ERC2: variants seen among roughly 807,000 people sequenced by gnomAD.
The protein encoded by ERC2 is ELKS/RAB6-interacting/CAST family member 2.
Under a neutral mutation model 114.8 loss-of-function variants are expected in ERC2, and 42 were observed. The ratio of observed to expected loss-of-function variants is 0.37; its 90% confidence interval spans 0.29 to 0.47. The LOEUF (loss-of-function observed/expected upper bound fraction) is 0.47, where lower values mean the gene tolerates loss of function less well. ERC2 is among the 20% of genes least tolerant of loss of function. ERC2 has a pLI of 0.99. For synonymous variants in ERC2, 454 were observed against 425.5 expected, an observed-to-expected ratio of 1.07 and a Z score of -0.82; for missense variants, 939 against 1,150.7, an observed-to-expected ratio of 0.82 and a Z score of 2.66.
At chr3:55,767,485 C>A (rs2067887917) in intron 14 of ERC2, among the ~76,000 whole-genome samples, 1 of 152,180 alleles carries the variant, frequency 6.6e-6, no homozygotes, top group South Asian at 2.1e-4. Context: ...TGGACAGACG[C>A]CCAGCTCCAC....
intron 6 of ERC2, among the ~76,000 whole-genome samples, chr3:56,112,165 A>T (rs2078995431): frequency 6.6e-6 from 1 of 152,232 alleles, no homozygotes; most frequent in Non-Finnish European, 1.5e-5. Flanking sequence ...AATTTAAGTC[A>T]ATCAACTCCA....
intron 6 of ERC2, among the ~76,000 whole-genome samples, chr3:56,126,768 A>G (rs139025435): frequency 2.2e-4 from 31 of 142,014 alleles, no homozygotes; most frequent in Non-Finnish European, 4.3e-4. Context: ...AAAAAGAAGG[A>G]AGGAAGGAAA....
chr3:55,583,515 CCCTCCCTCCCTT>C lies in ERC2; in HGVS notation c.*40-72251_*40-72240del, dbSNP rs1183367545. 5.3e-4 allele frequency among the ~76,000 whole-genome samples: 22 copies of C among 41,664 alleles called. 2 individuals carry two copies. The highest frequency in any genetic ancestry group is 8.2e-4 in the Non-Finnish European group (18 of 22,014). 27.3% of individuals were successfully genotyped at this position (41,664 alleles called of 152,430 possible). Reference sequence around the variant, plus strand: ...TCTCTCCTTCCCTCCCTCCCTCCCTCCCTCCCTCCCTTCCTTCCTTCCTTCCTTTCTTCCTTC... The same window carrying C: ...TCTCTCCTTCCCTCCCTCCCTCCCTCCCTTCCTTCCTTCCTTTCTTCCTTC... On this transcript the variant is annotated intron_variant, in intron 17 of 17. Transcript: ENST00000288221.
intron 1 of ERC2, among the ~76,000 whole-genome samples, chr3:56,463,485 T>C (rs1184534773): frequency 6.6e-6 from 1 of 152,106 alleles, no homozygotes; most frequent in East Asian, 1.9e-4. Flanking sequence ...GAAGGTGAGG[T>C]GGGCTTATTT....
intron 14 of ERC2, among the ~76,000 whole-genome samples, chr3:55,834,731 G>T (rs2060790671): frequency 7.1e-6 from 1 of 140,074 alleles, no homozygotes; most frequent in Admixed American, 7.0e-5. Flanking sequence ...ACATTCAAAA[G>T]CTAGCAGAAG....
chr3:56,071,705 T>C (rs759955687), intron 7 of ERC2, among the ~76,000 whole-genome samples: 3 of 152,172 alleles, frequency 2.0e-5, no homozygotes, highest in Non-Finnish European at 4.4e-5. Context: ...GATAATAAAA[T>C]ACCATTTCAT....
rs1295562550 is a variant in ERC2 at position 55,581,140 on chromosome 3, T to TGAA, written c.*40-69867_*40-69865dup. On this transcript the variant is annotated intron_variant, in intron 17 of 17. Coordinates refer to ENST00000288221, the MANE Select transcript of ERC2 (RefSeq NM_015576.3). The stretch of plus-strand genomic sequence containing the variant: ...GACTCTCACTGATTTGGTTGGCCCT[T>TGAA]GAAGGAGTCAGTTTTAGGATGAGCA... 9.8e-5 allele frequency among the ~76,000 whole-genome samples: 15 copies of TGAA among 152,288 alleles called. No homozygotes were observed. In the South Asian group the frequency reaches 3.1e-3, roughly 32 times the overall value.
intron 17 of ERC2, among the ~76,000 whole-genome samples, chr3:55,572,049 A>G (rs6778509): frequency 0.021 from 3,161 of 152,342 alleles, 53 homozygotes; most frequent in African/African-American, 0.049. Context: ...GGGTCTGTGC[A>G]GCCCAGGAAG....
intron 2 of ERC2, among the ~76,000 whole-genome samples, chr3:56,333,332 A>G (rs1237980193): frequency 6.6e-6 from 1 of 152,258 alleles, no homozygotes; most frequent in Non-Finnish European, 1.5e-5. Context: ...TTTAGGTGCC[A>G]CAACATTCTT....
chr3:55,957,047 C>T (rs1477524324), intron 12 of ERC2, among the ~76,000 whole-genome samples: 1 of 152,066 alleles, frequency 6.6e-6, no homozygotes, highest in Non-Finnish European at 1.5e-5. Flanking sequence ...GCCAGCAGGA[C>T]ACACCAAGAA....
chr3:56,118,213 GC>G (rs1253099343), intron 6 of ERC2, among the ~76,000 whole-genome samples: 6 of 152,180 alleles, frequency 3.9e-5, no homozygotes, highest in African/African-American at 7.2e-5. Flanking sequence ...CTGAGCACAT[GC>G]TAGACATAGA....
intron 13 of ERC2, among the ~76,000 whole-genome samples, chr3:55,909,460 C>G (rs1178367185): frequency 2.6e-5 from 4 of 152,116 alleles, no homozygotes; most frequent in Non-Finnish European, 5.9e-5. Context: ...TTTGAATAAG[C>G]AGGGAGTAGC....
At chr3:56,146,573 C>T (rs757808502) in intron 5 of ERC2, among the ~76,000 whole-genome samples, 3 of 152,084 alleles carry the variant, frequency 2.0e-5, no homozygotes, top group Non-Finnish European at 4.4e-5. Flanking sequence ...TTTGGTTATA[C>T]CTCTTCAATA....
At chr3:56,243,879 C>T (rs1399703205) in intron 3 of ERC2, among the ~76,000 whole-genome samples, 1 of 152,030 alleles carries the variant, frequency 6.6e-6, no homozygotes, top group East Asian at 1.9e-4. Context: ...AAAACTACTT[C>T]CCAGGTGAGT....
At chr3:55,871,405 A>G (rs1282227996) in intron 14 of ERC2, among the ~76,000 whole-genome samples, 1 of 152,202 alleles carries the variant, frequency 6.6e-6, no homozygotes, top group African/African-American at 2.4e-5. Flanking sequence ...AGACCTCACC[A>G]GAGATTCAGG....
intron 13 of ERC2, among the ~76,000 whole-genome samples, chr3:55,928,930 T>A (rs1480775912): frequency 6.6e-6 from 1 of 152,272 alleles, no homozygotes; most frequent in East Asian, 1.9e-4. Flanking sequence ...GATGTCTGGA[T>A]CTATTTCCAG....
chr3:56,032,905 A>AGAC (rs2074471001), intron 7 of ERC2, among the ~76,000 whole-genome samples: 1 of 43,184 alleles, frequency 2.3e-5, no homozygotes, highest in African/African-American at 8.0e-5. Context: ...GAGAGACAGA[A>AGAC]AGAAAGAAAG....
In ERC2 at chr3:55,633,233, C is replaced by A. The variant is rs149537104; in HGVS notation, c.*39+50561G>T. 2.5e-3 allele frequency among the ~76,000 whole-genome samples: 378 copies of A among 152,320 alleles called. 2 individuals are homozygous for A. Among genetic ancestry groups the A allele is most frequent in the Non-Finnish European group, 3.2e-3 (217 of 68,036 alleles). On this transcript the variant is annotated intron_variant, in intron 17 of 17. Transcript: ENST00000288221. Reference sequence around the variant, plus strand: ...AGGGTAGAACATAAGGACCTAGGAACACCCCCAGCAACTGAAAGAGTACCT... The same window carrying A: ...AGGGTAGAACATAAGGACCTAGGAAAACCCCCAGCAACTGAAAGAGTACCT...
intron 6 of ERC2, among the ~76,000 whole-genome samples, chr3:56,106,046 T>C (rs1164546281): frequency 6.6e-6 from 1 of 152,242 alleles, no homozygotes; most frequent in Non-Finnish European, 1.5e-5. Flanking sequence ...AAGGCATGAT[T>C]TGAGTTCACT....
Sources: gnomAD v4.1 joint callset for allele counts (sites outside exome capture counted in the v4.1 genomes callset) on GRCh38, gnomAD v4.1.1 for gene constraint, MANE v1.5 for transcripts, NCBI Gene and HGNC (gene_info 2026-07-23, HGNC 2026-07-21) for gene names.